DLG2: variants seen among roughly 807,000 people sequenced by gnomAD.
The protein encoded by DLG2 is disks large homolog 2.
In DLG2, 45 loss-of-function variants were observed where a neutral mutation model predicts 132.5. The ratio of observed to expected loss-of-function variants is 0.34; its 90% CI spans 0.27 to 0.44. The LOEUF is 0.44. Among genes scored for constraint, DLG2 ranks in the 20% least tolerant of loss-of-function variants. DLG2 has a pLI of 1.00. For missense variants in DLG2, 1,045 were observed against 1,196.9 expected, an observed-to-expected ratio of 0.87 and a Z score of 1.87; for synonymous variants, 424 against 419.6, an observed-to-expected ratio of 1.01 and a Z score of -0.13.
At chr11:85,484,336 C>A (rs868539467) in intron 3 of DLG2, among the ~76,000 whole-genome samples, 2 of 147,820 alleles carry the variant, frequency 1.4e-5, no homozygotes, top group African/African-American at 2.5e-5. Flanking sequence ...GCAACAAAAG[C>A]CAAAATTGAC....
intron 5 of DLG2, 77 bp from the exon 6 acceptor site, chr11:85,111,812 T>A: frequency 9.0e-7 from 1 of 1,114,630 alleles, no homozygotes; most frequent in South Asian, 1.5e-5. Context: ...ACATGTTTAT[T>A]ATCAATATGT....
rs528214301 is a variant in DLG2 at position 84,147,230 on chromosome 11, T to C, written c.624+16231A>G. Among the ~76,000 whole-genome samples the C allele has an allele frequency of 6.6e-5, 10 of 152,212 alleles. No individual in the cohort carries two copies. The East Asian group carries it at 1.7e-3, about 26-fold the overall frequency. Reference sequence around the variant, plus strand: ...CATCTGGTCTAATTATCAGTATTATTTCTTACTAGCTAACCTGGTTATTCC... The same window carrying C: ...CATCTGGTCTAATTATCAGTATTATCTCTTACTAGCTAACCTGGTTATTCC... On this transcript the variant is annotated intron_variant, in intron 9 of 27. Transcript: ENST00000376104.
intron 3 of DLG2, among the ~76,000 whole-genome samples, chr11:85,344,277 T>G (rs1214935485): frequency 6.6e-6 from 1 of 152,150 alleles, no homozygotes; most frequent in Non-Finnish European, 1.5e-5. Context: ...AGGCCCCAGT[T>G]CTTAGCTCCT....
chr11:85,254,818 G>A (rs1291986931), intron 4 of DLG2, among the ~76,000 whole-genome samples: 1 of 152,000 alleles, frequency 6.6e-6, no homozygotes, highest in Non-Finnish European at 1.5e-5. Context: ...GGCTAACATG[G>A]TGAAACCCCG....
At chr11:85,047,072 T>C (rs1487077187) in intron 6 of DLG2, among the ~76,000 whole-genome samples, 1 of 151,966 alleles carries the variant, frequency 6.6e-6, no homozygotes, top group Non-Finnish European at 1.5e-5. Context: ...GTGGCACAAA[T>C]GTAGGTGAGT....
rs559020192 is a variant in DLG2, at chr11:84,295,853, A to G, written c.520-44562T>C. Among the ~76,000 whole-genome samples the G allele has an allele frequency of 1.4e-4, 22 of 152,334 alleles. No homozygotes were observed. In the East Asian group the frequency reaches 3.5e-3, roughly 24 times the overall value. ...TTAAACCACGACCCTTGAAATACACAGCTTACAGAACTGAAACAAGAATCT... is the reference window on the plus strand; with the variant it reads ...TTAAACCACGACCCTTGAAATACACGGCTTACAGAACTGAAACAAGAATCT... On this transcript the variant is annotated intron_variant, in intron 7 of 27. Coordinates refer to ENST00000376104, the MANE Select transcript of DLG2 (RefSeq NM_001142699.3).
At chr11:84,271,337 TG>T (rs2097719321) in intron 7 of DLG2, among the ~76,000 whole-genome samples, 1 of 152,176 alleles carries the variant, frequency 6.6e-6, no homozygotes, top group African/African-American at 2.4e-5. Context: ...TAAGCAAAAC[TG>T]GAAACACACT....
At chr11:85,416,111 C>T (rs1167676683) in intron 3 of DLG2, among the ~76,000 whole-genome samples, 1 of 152,198 alleles carries the variant, frequency 6.6e-6, no homozygotes, top group Non-Finnish European at 1.5e-5. Flanking sequence ...TTTCCCAACA[C>T]CACTTATTAA....
At chr11:84,986,513 CT>C (rs1334241302) in intron 6 of DLG2, among the ~76,000 whole-genome samples, 3 of 152,070 alleles carry the variant, frequency 2.0e-5, no homozygotes, top group Non-Finnish European at 4.4e-5. Flanking sequence ...AACATAGATG[CT>C]AAAATCCTTA....
rs922683206 is a variant in DLG2, at chr11:84,122,277, G to A, written c.625-23230C>T. Among the ~76,000 whole-genome samples, 12 of 152,206 alleles carry A rather than the reference G, an allele frequency of 7.9e-5. No homozygotes were observed. The South Asian group carries it at 8.3e-4, about 11-fold the overall frequency. ...AGAGGTTACAATGAGCCAAGATCGC[G>A]TCACTGCACTCCAGCCTGGGTGACA... On this transcript the variant is annotated intron_variant, in intron 9 of 27. Transcript: ENST00000376104.
intron 9 of DLG2, among the ~76,000 whole-genome samples, chr11:84,161,121 T>C (rs1169812414): frequency 6.6e-6 from 1 of 152,142 alleles, no homozygotes; most frequent in Admixed American, 6.6e-5. Context: ...GCTGAGGCAG[T>C]GGCATGGAGT....
intron 5 of DLG2, among the ~76,000 whole-genome samples, chr11:85,148,688 A>G (rs1425646523): frequency 2.0e-5 from 3 of 152,126 alleles, no homozygotes; most frequent in African/African-American, 4.8e-5. Flanking sequence ...ATTTGCCCCC[A>G]TTCTGTAGGT....
At chr11:85,099,251 G>A (rs2070446104) in intron 6 of DLG2, among the ~76,000 whole-genome samples, 1 of 152,186 alleles carries the variant, frequency 6.6e-6, no homozygotes, top group African/African-American at 2.4e-5. Context: ...TGGCCTTGTG[G>A]AACAGCTTTC....
At chr11:84,467,273 G>T (rs1034323220) in intron 7 of DLG2, among the ~76,000 whole-genome samples, 1 of 151,360 alleles carries the variant, frequency 6.6e-6, no homozygotes, top group Non-Finnish European at 1.5e-5. Context: ...AGAATCATTT[G>T]TCATTATTAG....
chr11:85,026,559 C>T (rs1231306210), intron 6 of DLG2, among the ~76,000 whole-genome samples: 10 of 152,048 alleles, frequency 6.6e-5, no homozygotes, highest in Admixed American at 1.3e-4. Context: ...TTCTTTCGGC[C>T]GGGCGCGGTA....
At chr11:84,356,357 G>A (rs899197206) in intron 7 of DLG2, among the ~76,000 whole-genome samples, 17 of 152,052 alleles carry the variant, frequency 1.1e-4, no homozygotes, top group African/African-American at 3.9e-4. Context: ...TCTGAATCAC[G>A]AAGCTTATAT....
chr11:85,235,356 C>G (rs1259088388), intron 4 of DLG2, among the ~76,000 whole-genome samples: 2 of 151,968 alleles, frequency 1.3e-5, no homozygotes, highest in Non-Finnish European at 2.9e-5. Flanking sequence ...TATGTCCTTT[C>G]ATCCATCCTT....
chr11:83,589,198 CA>C (rs1327441234), intron 19 of DLG2, among the ~76,000 whole-genome samples: 1 of 151,516 alleles, frequency 6.6e-6, no homozygotes, highest in African/African-American at 2.4e-5. Context: ...TCAGATTCAC[CA>C]AAGTTGAAAA....
intron 11 of DLG2, among the ~76,000 whole-genome samples, chr11:84,044,864 A>T (rs2096204993): frequency 6.6e-6 from 1 of 151,726 alleles, no homozygotes; most frequent in African/African-American, 2.4e-5. Flanking sequence ...GTACAATCTC[A>T]GGAGGGAAAT....
Sources: gnomAD v4.1 joint callset for allele counts (sites outside exome capture counted in the v4.1 genomes callset) on GRCh38, gnomAD v4.1.1 for gene constraint, MANE v1.5 for transcripts, NCBI Gene and HGNC (gene_info 2026-07-23, HGNC 2026-07-21) for gene names.